Variants in SARS1 observed in about 807,000 individuals in gnomAD.
SARS1 encodes the protein serine--tRNA ligase, cytoplasmic.
SARS1 carries 25 observed loss-of-function variants against 63.7 expected under a neutral mutation model. The ratio of observed to expected loss-of-function variants is 0.39; its 90% CI spans 0.29 to 0.55. SARS1 has a LOEUF of 0.55. Among genes scored for constraint, SARS1 ranks in the 20% least tolerant of loss-of-function variants. The probability of loss-of-function intolerance (pLI) is 0.62; values close to 1 mark genes in which losing one functional copy is unlikely to be tolerated. For synonymous variants in SARS1, 231 were observed against 243.5 expected (o/e 0.95, Z 0.48); for missense variants, 417 against 649.7 (o/e 0.64, Z 3.89).
At chr1:109,226,677 A>AAAATATATAT (rs1178056468) in intron 2 of SARS1, among the ~76,000 whole-genome samples, 39 of 44,952 alleles carry the variant, frequency 8.7e-4, no homozygotes, top group African/African-American at 3.0e-3. Context: ...AAAAAAAAAA[A>AAAATATATAT]ATATATATAT....
chr1:109,229,247 CTG>C (rs1655154241), intron 3 of SARS1, among the ~76,000 whole-genome samples, 165 bp from the exon 4 acceptor site: 2 of 152,190 alleles, frequency 1.3e-5, no homozygotes, highest in African/African-American at 4.8e-5. Context: ...CTGTGTATAT[CTG>C]TGTGTGAAGG....
intron 1 of SARS1, among the ~76,000 whole-genome samples, chr1:109,222,257 T>G (rs1175368717): frequency 6.6e-6 from 1 of 151,636 alleles, no homozygotes; most frequent in Non-Finnish European, 1.5e-5. Context: ...GTTGGAAAAA[T>G]AGTAGAAAGG....
At chr1:109,221,846 G>A (rs1364887350) in intron 1 of SARS1, among the ~76,000 whole-genome samples, 1 of 150,212 alleles carries the variant, frequency 6.7e-6, no homozygotes, top group Non-Finnish European at 1.5e-5. Flanking sequence ...TTGAGATAGA[G>A]TCTTGTTCTG....
Position 109,229,466 on chromosome 1 carries a change from T to A in SARS1, c.341T>A (p.Ile114Asn), listed in dbSNP as rs756521030. 4.3e-6 allele frequency: 7 copies of A among 1,614,142 alleles called. No homozygotes were observed. The highest frequency in any genetic ancestry group is 5.9e-6 in the Non-Finnish European group (7 of 1,180,012). ...GTCCGACTCCTCATTGATGAAGCCATCCTGAAGTGTGACGCGGAGCGGATA... is the reference window on the plus strand; with the variant it reads ...GTCCGACTCCTCATTGATGAAGCCAACCTGAAGTGTGACGCGGAGCGGATA... ...KKVRLLIDEA[I>N]LKCDAERIKL... The change falls in exon 4 of 11, where the codon ATC (isoleucine) becomes AAC (asparagine). Residue 114 changes from isoleucine (I) to asparagine (N), a missense_variant. Ile to Asn is a moderately radical substitution (Grantham distance 149). Transcript: ENST00000234677.
At chr1:109,219,122 C>G (rs570643892) in intron 1 of SARS1, among the ~76,000 whole-genome samples, 1 of 150,714 alleles carries the variant, frequency 6.6e-6, no homozygotes, top group South Asian at 2.1e-4. Context: ...AAAAATTAGC[C>G]GGGTGTGGTG....
chr1:109,225,248 G>A (rs975081290), intron 2 of SARS1, among the ~76,000 whole-genome samples: 1 of 152,060 alleles, frequency 6.6e-6, no homozygotes, highest in Admixed American at 6.5e-5. Context: ...AGATGACCTC[G>A]GGATTCTAGC....
At chr1:109,221,063 T>C (rs1366510726) in intron 1 of SARS1, among the ~76,000 whole-genome samples, 21 of 147,598 alleles carry the variant, frequency 1.4e-4, no homozygotes, top group Admixed American at 1.2e-3. Context: ...TTTCTTCTCT[T>C]TTTTTTTTTT....
At chr1:109,220,018 T>TA (rs1217179899) in intron 1 of SARS1, among the ~76,000 whole-genome samples, 1 of 152,120 alleles carries the variant, frequency 6.6e-6, no homozygotes, top group Non-Finnish European at 1.5e-5. Flanking sequence ...GACTCTTTTT[T>TA]AAAAAATGTT....
At position 109,237,422 on chromosome 1, in the gene SARS1, C is replaced by T. The variant is rs376508966; in HGVS notation, c.1387+49C>T. The stretch of plus-strand genomic sequence containing the variant: ...CGTTCTCCTCTTTTCTGTCTTCACA[C>T]TCTTCTAAATAGCAGTCCCCTTTCA... On this transcript the variant is annotated intron_variant, in intron 10 of 10. Coordinates refer to ENST00000234677, the MANE Select transcript of SARS1 (RefSeq NM_006513.4). This position sits in a 1 kb window ranked among gnomAD's most constrained non-coding sequence, Gnocchi z 4.1. 78 of 1,612,998 alleles carry T rather than the reference C, an allele frequency of 4.8e-5. No individual in the cohort carries two copies. In the African/African-American group the frequency reaches 6.8e-4, roughly 14 times the overall value.
At chr1:109,232,228 C>T (rs1179561028) in intron 6 of SARS1, among the ~76,000 whole-genome samples, 1 of 152,172 alleles carries the variant, frequency 6.6e-6, no homozygotes, top group Non-Finnish European at 1.5e-5. Context: ...ACATACTTGC[C>T]TTGGGATGGA....
In SARS1 at chr1:109,231,642, G is replaced by A. The variant is rs764203855; in HGVS notation, c.603G>A (p.Val201=). Residue 201 remains valine, a synonymous_variant, in exon 6 of 11, where the codon GTG becomes GTA. Transcript: ENST00000234677. ...SRGYFLKGVL[V]FLEQALIQYA... is the part of the protein sequence containing the mutation. ...CTCTGCTCCTCTAGGGGGTCCTGGTGTTCCTGGAACAGGCTCTCATCCAGT... is the reference window on the plus strand; with the variant it reads ...CTCTGCTCCTCTAGGGGGTCCTGGTATTCCTGGAACAGGCTCTCATCCAGT... The A allele has an allele frequency of 1.3e-6, 2 of 1,538,602 alleles. No homozygotes were observed. Among genetic ancestry groups the A allele is most frequent in the East Asian group, 2.5e-5 (1 of 40,376 alleles).
rs1292101901 is a variant in SARS1, at chr1:109,238,149, C to CG, written c.*264dup. On this transcript the variant is annotated 3_prime_UTR_variant, in exon 11 of 11. Transcript: ENST00000234677. ...AGGACTCTTCCTCAGTCTTCTTCCC[C>CG]GGGCTTGAACCCCGCCTCTGAGGTT... 8 of 467,630 alleles carry CG rather than the reference C, an allele frequency of 1.7e-5. No individual in the cohort carries two copies. The highest frequency in any genetic ancestry group is 3.1e-5 in the Non-Finnish European group (8 of 258,280). The allele number at this position is 467,630 out of a possible 1,614,324, so 29.0% of individuals were successfully genotyped here.
chr1:109,223,481 C>CCCTATTGTAGGTGA (rs1654998601), intron 1 of SARS1, among the ~76,000 whole-genome samples: 1 of 152,212 alleles, frequency 6.6e-6, no homozygotes, highest in African/African-American at 2.4e-5. Context: ...GCTGGGGACA[C>CCCTATTGTAGGTGA]CCTATTGTAG....
At chr1:109,230,770 A>C (rs1570761001) in intron 4 of SARS1, 108 bp from the exon 5 acceptor site, 2 of 963,874 alleles carry the variant, frequency 2.1e-6, no homozygotes, top group South Asian at 2.0e-5. Flanking sequence ...GTGCCATTGC[A>C]CTCCAGCCTG....
chr1:109,236,215 A>C, intron 8 of SARS1, 109 bp downstream of exon 8: 4 of 1,381,566 alleles, frequency 2.9e-6, no homozygotes, highest in Non-Finnish European at 4.0e-6. Flanking sequence ...CTCATTGCCC[A>C]CATTAATTAA....
Position 109,229,479 on chromosome 1 carries a change from C to T in SARS1, c.354C>T (p.Asp118=), listed in dbSNP as rs749824433. 1.5e-5 allele frequency: 24 copies of T among 1,614,040 alleles called. No individual in the cohort carries two copies. The highest frequency in any genetic ancestry group is 4.4e-5 in the South Asian group (4 of 91,086). ...LLIDEAILKC[D]AERIKLEAER... ...TTGATGAAGCCATCCTGAAGTGTGA[C>T]GCGGAGCGGATAAAGTTGGAAGCAG... Residue 118 remains aspartate (D), a synonymous_variant, in exon 4 of 11, where the codon GAC becomes GAT. Transcript: ENST00000234677.
At chr1:109,223,122 A>G (rs573895311) in intron 1 of SARS1, among the ~76,000 whole-genome samples, 1 of 152,368 alleles carries the variant, frequency 6.6e-6, no homozygotes, top group Non-Finnish European at 1.5e-5. Context: ...CATGATACCA[A>G]TATATTAATT....
chr1:109,218,633 A>G (rs1556769), intron 1 of SARS1, among the ~76,000 whole-genome samples: 149,249 of 152,216 alleles, frequency 0.98, 73,215 homozygotes, highest in Middle Eastern at 1. Flanking sequence ...ACCACTTCCC[A>G]CATAGGGCCT....
chr1:109,236,165 C>T, intron 8 of SARS1, 59 bp downstream of exon 8: 1 of 1,563,098 alleles, frequency 6.4e-7, no homozygotes, highest in Non-Finnish European at 8.7e-7. Context: ...GCCACCCTTA[C>T]CAGCTGAGCT....
Sources: allele counts gnomAD v4.1 joint callset (sites outside exome capture counted in the v4.1 genomes callset), GRCh38; gene constraint gnomAD v4.1.1; non-coding constraint Gnocchi (gnomAD v3.1); transcripts MANE v1.5; gene names NCBI Gene and HGNC (gene_info 2026-07-23, HGNC 2026-07-21).